The following HIBCH variants were observed in gnomAD, a reference collection of about 807,000 sequenced individuals.
HIBCH encodes the protein 3-hydroxyisobutyryl-CoA hydrolase.
A neutral mutation model predicts 58.2 loss-of-function variants in HIBCH; 50 were observed. That is an observed-to-expected ratio of 0.86 (90% CI 0.68 to 1.09). HIBCH has a LOEUF of 1.09. HIBCH is among the 50% of genes least tolerant of loss of function. HIBCH has a pLI of 0.00. For synonymous variants in HIBCH, 151 were observed against 146.9 expected (o/e 1.03, Z -0.20); for missense variants, 450 against 449.7 (o/e 1.00, Z -0.01).
At chr2:190,251,105 C>T (rs713426) in intron 8 of HIBCH, among the ~76,000 whole-genome samples, 46,169 of 151,974 alleles carry the variant, frequency 0.3, 7,931 homozygotes, top group East Asian at 0.45. Flanking sequence ...ATGAAAAATC[C>T]GGCAACCTCT....
intron 7 of HIBCH, among the ~76,000 whole-genome samples, chr2:190,253,726 A>G (rs1487154860): frequency 6.6e-6 from 1 of 152,154 alleles, no homozygotes; most frequent in Non-Finnish European, 1.5e-5. Context: ...TCCTGGATTA[A>G]AACAAACACC....
chr2:190,299,711 C>A (rs148354746), intron 2 of HIBCH, among the ~76,000 whole-genome samples: 1 of 151,974 alleles, frequency 6.6e-6, no homozygotes, highest in Non-Finnish European at 1.5e-5. Context: ...AGGGTACATG[C>A]GCAGGTTTGT....
intron 13 of HIBCH, among the ~76,000 whole-genome samples, chr2:190,208,033 A>G (rs1438396791): frequency 2.0e-5 from 3 of 152,258 alleles, no homozygotes; most frequent in Admixed American, 1.3e-4. Context: ...TTTTATAAGG[A>G]TAAGAATTAT....
chr2:190,250,557 C>T (rs1315164261), intron 8 of HIBCH: 4 of 259,768 alleles, frequency 1.5e-5, no homozygotes, highest in East Asian at 1.0e-4. Flanking sequence ...TCAGCTCTCT[C>T]GTATCCTAAA....
intron 4 of HIBCH, among the ~76,000 whole-genome samples, chr2:190,291,216 T>A (rs915545398): frequency 6.6e-6 from 1 of 152,180 alleles, no homozygotes; most frequent in South Asian, 2.1e-4. Context: ...AAAACATTTA[T>A]TGAGCACCTA....
At chr2:190,200,047 C>A (rs937362418), downstream of HIBCH, 1 of 1,614,114 alleles carries the variant, frequency 6.2e-7, no homozygotes, top group Non-Finnish European at 8.5e-7. Flanking sequence ...GGAATATGCA[C>A]ACCGCCTGTC....
chr2:190,201,052 G>C (rs1330377857), downstream of HIBCH: 1 of 150,746 alleles, frequency 6.6e-6, no homozygotes, highest in African/African-American at 2.8e-5. Flanking sequence ...CATTAAAATA[G>C]ACCAGATAAT....
At chr2:190,249,924 A>G (rs1299096088) in intron 8 of HIBCH, among the ~76,000 whole-genome samples, 198 bp from the exon 9 acceptor site, 2 of 152,216 alleles carry the variant, frequency 1.3e-5, no homozygotes, top group African/African-American at 4.8e-5. Flanking sequence ...CTTCAAAGGA[A>G]TGGATAAAGA....
At chr2:190,251,675 GTTTT>G in intron 8 of HIBCH, 1 of 182,480 alleles carries the variant, frequency 5.5e-6, no homozygotes. Flanking sequence ...TGGCCACATT[GTTTT>G]TTTTTTAAAA....
chr2:190,195,618 G>T (rs1484510505), intron 1 of HIBCH, among the ~76,000 whole-genome samples: 2 of 152,176 alleles, frequency 1.3e-5, no homozygotes, highest in African/African-American at 4.8e-5. Flanking sequence ...GTTCATATTT[G>T]TATTGTTGAC....
chr2:190,191,224 G>C (rs1403334068), intron 1 of HIBCH, among the ~76,000 whole-genome samples: 1 of 152,060 alleles, frequency 6.6e-6, no homozygotes, highest in Non-Finnish European at 1.5e-5. Flanking sequence ...TGCAACCTCT[G>C]TTCTGCCTCC....
In HIBCH at chr2:190,314,289, A is replaced by ACG. The variant is rs1688637191; in HGVS notation, c.36-3494_36-3493insCG. The stretch of plus-strand genomic sequence containing the variant: ...GTTACTACAAAAAAAATATATATAT[A>ACG]TGTATATATACATATATATGTGTAT... On this transcript the variant is annotated intron_variant, in intron 1 of 13. Transcript: ENST00000359678. Among the ~76,000 whole-genome samples, 4 of 55,916 alleles carry ACG rather than the reference A, an allele frequency of 7.2e-5. No individual in the cohort carries two copies. The Admixed American group carries it at 1.0e-3, about 15-fold the overall frequency. The allele number at this position is 55,916 out of a possible 152,430, so 36.7% of individuals were successfully genotyped here.
chr2:190,252,032 C>G, intron 8 of HIBCH, 130 bp downstream of exon 8: 1 of 818,374 alleles, frequency 1.2e-6, no homozygotes, highest in East Asian at 2.5e-5. Context: ...CAGCTATAAA[C>G]TAATAGGTCC....
rs140154064 is a variant in HIBCH at position 190,205,000 on chromosome 2, A to G, written c.*117T>C. 1 of 681,904 alleles carries G rather than the reference A, an allele frequency of 1.5e-6. No individual in the cohort carries two copies. The highest frequency in any genetic ancestry group is 1.8e-5 in the African/African-American group (1 of 55,676). 42.2% of individuals were successfully genotyped at this position (681,904 alleles called of 1,614,324 possible). The stretch of plus-strand genomic sequence containing the variant: ...GATTTCTTTTCCCAACCATTTAAAA[A>G]TGCGGAAACCATTCTTAGCTTACAG... On this transcript the variant is annotated 3_prime_UTR_variant, in exon 14 of 14. Coordinates refer to ENST00000359678, the MANE Select transcript of HIBCH (RefSeq NM_014362.4).
intron 11 of HIBCH, among the ~76,000 whole-genome samples, chr2:190,219,608 T>C (rs1037978504): frequency 9.2e-5 from 14 of 152,210 alleles, no homozygotes; most frequent in African/African-American, 3.4e-4. Flanking sequence ...AGGATTGCAG[T>C]GCATTGTGGG....
At chr2:190,203,371 T>C (rs766434159), downstream of HIBCH, 15 of 167,098 alleles carry the variant, frequency 9.0e-5, no homozygotes, top group Non-Finnish European at 2.1e-4. Context: ...TTAAGTTTTA[T>C]TAGCAAATCC....
intron 11 of HIBCH, among the ~76,000 whole-genome samples, chr2:190,225,113 T>C (rs1379527204): frequency 1.3e-5 from 2 of 152,142 alleles, no homozygotes; most frequent in Non-Finnish European, 2.9e-5. Flanking sequence ...GGGACACACT[T>C]AAAGCAGTGT....
chr2:190,241,087 C>T (rs1686440539), intron 11 of HIBCH, among the ~76,000 whole-genome samples: 1 of 152,136 alleles, frequency 6.6e-6, no homozygotes, highest in Non-Finnish European at 1.5e-5. Flanking sequence ...AAGTCTCTCA[C>T]TATTATTGTG....
intron 6 of HIBCH, among the ~76,000 whole-genome samples, chr2:190,273,705 A>T (rs10717610): frequency 0.06 from 158 of 2,624 alleles, no homozygotes; most frequent in South Asian, 0.2. Context: ...CAGTTTTTTT[A>T]AAAAAAAAAG....
Sources: allele counts gnomAD v4.1 joint callset (sites outside exome capture counted in the v4.1 genomes callset), GRCh38; gene constraint gnomAD v4.1.1; transcripts MANE v1.5; gene names NCBI Gene and HGNC (gene_info 2026-07-23, HGNC 2026-07-21).